Variants in PBX3 observed in about 807,000 individuals in gnomAD.
PBX3 encodes the protein pre-B-cell leukemia transcription factor 3.
Under a neutral mutation model 48.5 loss-of-function variants are expected in PBX3, and 14 were observed. The observed-to-expected ratio is 0.29, with a 90% confidence interval of 0.19 to 0.45. PBX3 has a LOEUF of 0.45. Among genes scored for constraint, PBX3 ranks in the 20% least tolerant of loss-of-function variants. PBX3 has a pLI of 1.00. For missense variants in PBX3, 386 were observed against 546.7 expected, an observed-to-expected ratio of 0.71 and a Z score of 2.93; for synonymous variants, 210 against 200.3, an observed-to-expected ratio of 1.05 and a Z score of -0.41.
intron 5 of PBX3, among the ~76,000 whole-genome samples, chr9:125,938,303 G>A (rs1841882514): frequency 6.6e-6 from 1 of 152,128 alleles, no homozygotes; most frequent in East Asian, 1.9e-4. Flanking sequence ...TAGAACTTTT[G>A]TTTATCAAAG....
intron 2 of PBX3, among the ~76,000 whole-genome samples, chr9:125,779,301 C>T (rs1200203297): frequency 8.1e-5 from 10 of 123,874 alleles, no homozygotes; most frequent in Non-Finnish European, 1.3e-4. Flanking sequence ...GGGTGTTTCT[C>T]GCAGAGGGGG....
chr9:125,834,239 T>C (rs1839052697), intron 2 of PBX3, among the ~76,000 whole-genome samples: 1 of 152,100 alleles, frequency 6.6e-6, no homozygotes, highest in African/African-American at 2.4e-5. Context: ...GGAAGGTTTC[T>C]GTAAGAGAAG....
intron 3 of PBX3, among the ~76,000 whole-genome samples, chr9:125,928,193 CA>C (rs1051146102): frequency 3.4e-5 from 5 of 148,780 alleles, no homozygotes; most frequent in African/African-American, 7.4e-5. Context: ...TCTGTCTCTA[CA>C]AAAAAAAATA....
At position 125,840,268 on chromosome 9, in the gene PBX3, A is replaced by ATTTTATTT. The variant is rs1476218486; in HGVS notation, c.275-75418_275-75417insTTTTATTT. Among the ~76,000 whole-genome samples the ATTTTATTT allele has an allele frequency of 2.0e-5, 3 of 152,082 alleles. No individual in the cohort carries two copies. In the East Asian group the frequency reaches 5.8e-4, roughly 29 times the overall value. Reference sequence around the variant, plus strand: ...TGGAGTTTTTTATTTTTCATTTTTTAGCACACTGGAAATGTGTCCATTGTG... The same window carrying ATTTTATTT: ...TGGAGTTTTTTATTTTTCATTTTTTATTTTATTTGCACACTGGAAATGTGTCCATTGTG... On this transcript the variant is annotated intron_variant, in intron 2 of 8. Coordinates refer to ENST00000373489, the MANE Select transcript of PBX3 (RefSeq NM_006195.6).
intron 2 of PBX3, among the ~76,000 whole-genome samples, chr9:125,779,268 T>A (rs1806986495): frequency 1.3e-5 from 2 of 149,538 alleles, no homozygotes; most frequent in Non-Finnish European, 1.5e-5. Context: ...TTTTAATTTT[T>A]ATTTTTTTTA....
intron 2 of PBX3, among the ~76,000 whole-genome samples, chr9:125,830,033 C>G (rs1430755776): frequency 1.3e-5 from 2 of 152,196 alleles, no homozygotes; most frequent in Non-Finnish European, 2.9e-5. Flanking sequence ...TCTCGCGTCA[C>G]TGTCTGCTGA....
At chr9:125,784,836 T>C (rs571895107) in intron 2 of PBX3, among the ~76,000 whole-genome samples, 3 of 107,438 alleles carry the variant, frequency 2.8e-5, no homozygotes, top group East Asian at 6.1e-4. Flanking sequence ...CCTTAGTTTT[T>C]ACTTTCTGTT....
chr9:125,775,211 T>C (rs1301415704), intron 2 of PBX3, among the ~76,000 whole-genome samples: 4 of 152,224 alleles, frequency 2.6e-5, no homozygotes. Flanking sequence ...TTTCCATTTT[T>C]ATTATCACCA....
intron 3 of PBX3, among the ~76,000 whole-genome samples, chr9:125,926,706 G>C (rs1841586293): frequency 6.6e-6 from 1 of 152,186 alleles, no homozygotes; most frequent in Non-Finnish European, 1.5e-5. Context: ...TGTAATCCCA[G>C]CTACTTGGGA....
intron 2 of PBX3, among the ~76,000 whole-genome samples, chr9:125,814,564 C>T (rs985792519): frequency 1.3e-5 from 2 of 152,118 alleles, no homozygotes; most frequent in African/African-American, 4.8e-5. Context: ...TTCTAACTAT[C>T]TGAAAATAAC....
intron 2 of PBX3, among the ~76,000 whole-genome samples, chr9:125,836,974 G>A (rs1458563703): frequency 6.6e-6 from 1 of 152,184 alleles, no homozygotes; most frequent in Non-Finnish European, 1.5e-5. Context: ...CAGTTTGGAA[G>A]TATCTATCAA....
At chr9:125,856,916 TA>T (rs1445163885) in intron 2 of PBX3, among the ~76,000 whole-genome samples, 1 of 152,238 alleles carries the variant, frequency 6.6e-6, no homozygotes, top group Non-Finnish European at 1.5e-5. Context: ...AATTCTATTG[TA>T]ATATTCATTG....
rs114903718 is a variant in PBX3, at chr9:125,804,196, A to G, written c.274+55573A>G. On this transcript the variant is annotated intron_variant, in intron 2 of 8. Coordinates refer to ENST00000373489, the MANE Select transcript of PBX3 (RefSeq NM_006195.6). ...GTAGGTAATCAGTGGTAGGGTTTAT[A>G]AATATAGAGTTTATTCAGTGTTAGA... 2.8e-3 allele frequency among the ~76,000 whole-genome samples: 427 copies of G among 152,342 alleles called. 1 individual carries two copies. Among genetic ancestry groups the G allele is most frequent in the African/African-American group, 9.3e-3 (386 of 41,574 alleles).
At chr9:125,884,039 A>G (rs911994936) in intron 2 of PBX3, among the ~76,000 whole-genome samples, 9 of 152,202 alleles carry the variant, frequency 5.9e-5, no homozygotes, top group African/African-American at 2.2e-4. Flanking sequence ...TTATGTGTGA[A>G]TAATTAATGG....
intron 2 of PBX3, among the ~76,000 whole-genome samples, chr9:125,753,678 G>C (rs577763616): frequency 6.6e-6 from 1 of 151,640 alleles, no homozygotes; most frequent in East Asian, 1.9e-4. Context: ...ATTTTATTTG[G>C]GACTTTACTA....
At position 125,747,665 on chromosome 9, in the gene PBX3, C is replaced by T; in HGVS notation, c.200+12C>T. 1 of 1,577,812 alleles carries T rather than the reference C, an allele frequency of 6.3e-7. No individual in the cohort carries two copies. On this transcript the variant is annotated intron_variant, in intron 1 of 8. Coordinates refer to ENST00000373489, the MANE Select transcript of PBX3 (RefSeq NM_006195.6). ...GAGGCGCAAGCAAAGTTGGTGTCGT[C>T]TCATTAAGCATCTTTTGTGTGTGTG...
At chr9:125,775,624 G>T (rs961569746) in intron 2 of PBX3, among the ~76,000 whole-genome samples, 1 of 152,118 alleles carries the variant, frequency 6.6e-6, no homozygotes, top group African/African-American at 2.4e-5. Flanking sequence ...TATTCCATTA[G>T]TACACTGTTT....
At chr9:125,929,149 C>G (rs1257778498) in intron 3 of PBX3, among the ~76,000 whole-genome samples, 6 of 152,172 alleles carry the variant, frequency 3.9e-5, no homozygotes, top group Admixed American at 2.0e-4. Flanking sequence ...TTAATATCTT[C>G]CTGTTAGTCT....
intron 2 of PBX3, among the ~76,000 whole-genome samples, chr9:125,858,734 T>G (rs1588228277): frequency 6.6e-6 from 1 of 151,230 alleles, no homozygotes; most frequent in Non-Finnish European, 1.5e-5. Flanking sequence ...CAAGCTATTC[T>G]CCTGCCTCAG....
Sources: allele counts gnomAD v4.1 joint callset (sites outside exome capture counted in the v4.1 genomes callset), GRCh38; gene constraint gnomAD v4.1.1; transcripts MANE v1.5; gene names NCBI Gene and HGNC (gene_info 2026-07-23, HGNC 2026-07-21).